Variants in MMUT observed in about 807,000 individuals in gnomAD.
The protein encoded by MMUT is methylmalonyl-CoA mutase.
Under a neutral mutation model 79.9 loss-of-function variants are expected in MMUT, and 79 were observed. The observed-to-expected ratio is 0.99, with a 90% CI of 0.82 to 1.19. MMUT has a LOEUF of 1.19. Among genes scored for constraint, MMUT ranks in the 50% most tolerant of loss-of-function variants. MMUT has a pLI of 0.00. For missense variants in MMUT, 860 were observed against 917.2 expected, an observed-to-expected ratio of 0.94 and a Z score of 0.81; for synonymous variants, 273 against 295.7, an observed-to-expected ratio of 0.92 and a Z score of 0.79.
In MMUT at chr6:49,457,702, A is replaced by G. The variant is rs1201678085; in HGVS notation, c.742T>C (p.Tyr248His). ...SMKIIADIFEYTAKHMPKFNS... is the reference protein window; with the variant it reads ...SMKIIADIFEHTAKHMPKFNS... ...ACCACAAAGTATACCTTTGCTGTAT[A>G]TTCAAATATGTCAGCAATAATTTTC... The change falls in exon 3 of 13, where the codon TAT becomes CAT. Residue 248 changes from tyrosine (Y) to histidine (H), a missense_variant. Coordinates refer to ENST00000274813, the MANE Select transcript of MMUT (RefSeq NM_000255.4). The G allele has an allele frequency of 6.2e-7, 1 of 1,610,504 alleles. No homozygotes were observed. Among genetic ancestry groups the G allele is most frequent in the Admixed American group, 1.7e-5 (1 of 59,824 alleles).
In MMUT at chr6:49,459,052, TA is replaced by T. The variant is rs483352787; in HGVS notation, c.385+29del. On this transcript the variant is annotated intron_variant, in intron 2 of 12. Coordinates refer to ENST00000274813, the MANE Select transcript of MMUT (RefSeq NM_000255.4). The stretch of plus-strand genomic sequence containing the variant: ...AAACTAGGAGGCATATGACTTATCA[TA>T]AATATTATGTCTTACATTAAAATCT... 1 of 1,607,182 alleles carries T rather than the reference TA, an allele frequency of 6.2e-7. No individual in the cohort carries two copies. Among genetic ancestry groups the T allele is most frequent in the Non-Finnish European group, 8.5e-7 (1 of 1,174,902 alleles).
chr6:49,450,391 A>G lies in MMUT; in HGVS notation c.1332+1075T>C, dbSNP rs138113635. On this transcript the variant is annotated intron_variant, in intron 6 of 12. Coordinates refer to ENST00000274813, the MANE Select transcript of MMUT (RefSeq NM_000255.4). Reference sequence around the variant, plus strand: ...AAGAAAATTTCCTAGAGCTATAAAAATATTTTTTAAAAAAAGGTGAGATGA... The same window carrying G: ...AAGAAAATTTCCTAGAGCTATAAAAGTATTTTTTAAAAAAAGGTGAGATGA... 8.1e-3 allele frequency among the ~76,000 whole-genome samples: 1,237 copies of G among 152,166 alleles called. 14 individuals are homozygous for G. Among genetic ancestry groups the G allele is most frequent in the African/African-American group, 0.028 (1,173 of 41,528 alleles).
chr6:49,441,918 T>A lies in MMUT; in HGVS notation c.1730A>T (p.Lys577Ile). Residue 577 changes from lysine to isoleucine, a missense_variant, in exon 10 of 13, where the codon AAA becomes ATA. By Grantham distance (102) the Lys-to-Ile change is moderately radical. Coordinates refer to ENST00000274813, the MANE Select transcript of MMUT (RefSeq NM_000255.4). ...TCCACTCACCATTCGATCATTCGCT[T>A]TATGTTCACCAAATACCTTTTTCAG... ...DALKKVFGEHKANDRMVSGAY... is the reference protein window; with the variant it reads ...DALKKVFGEHIANDRMVSGAY... 4 of 1,612,214 alleles carry A rather than the reference T, an allele frequency of 2.5e-6. No individual in the cohort carries two copies. Among genetic ancestry groups the A allele is most frequent in the Non-Finnish European group, 3.4e-6 (4 of 1,178,726 alleles).
chr6:49,447,745 TTCCAACTGGTACTTATTTAC>T lies in MMUT; in HGVS notation c.1465_1484del (p.Val489LysfsTer11). 6.2e-7 allele frequency: 1 copy of T among 1,612,110 alleles called. No homozygotes were observed. Among genetic ancestry groups the T allele is most frequent in the African/African-American group, 1.3e-5 (1 of 74,970 alleles). On this transcript the variant is annotated frameshift_variant, in exon 8 of 13. Transcript: ENST00000274813. LOFTEE classifies it high-confidence loss of function. ...CCAGAACTTCTACAGCGTCTTCTTT[TTCCAACTGGTACTTATTTAC>T]TCCAACAATTACTTCAGAACCTGGT...
chr6:49,461,954 T>C (rs1342777827), intron 1 of MMUT, among the ~76,000 whole-genome samples: 2 of 152,108 alleles, frequency 1.3e-5, no homozygotes, highest in African/African-American at 4.8e-5. Flanking sequence ...AAAAGGTAAT[T>C]TGAAAACCAC....
Position 49,431,868 on chromosome 6 carries a change from ATG to A in MMUT, c.2125-14_2125-13del, listed in dbSNP as rs768331144. Reference sequence around the variant, plus strand: ...AGAAATTCATAATCCTGTTGAAAGAATGTGTTTAATTAATAAGAGCCACTATT... The same window carrying A: ...AGAAATTCATAATCCTGTTGAAAGAATGTTTAATTAATAAGAGCCACTATT... On this transcript the variant is annotated splice_polypyrimidine_tract_variant and intron_variant, in intron 12 of 12. Transcript: ENST00000274813. 2.5e-6 allele frequency: 4 copies of A among 1,612,268 alleles called. No individual in the cohort carries two copies. The highest frequency in any genetic ancestry group is 1.7e-5 in the Admixed American group (1 of 60,018).
chr6:49,447,884 T>A, intron 7 of MMUT, 99 bp from the exon 8 acceptor site: 1 of 725,546 alleles, frequency 1.4e-6, no homozygotes, highest in Non-Finnish European at 2.4e-6. Context: ...TATCTTTAAG[T>A]AGTATTCTTA....
rs111842406 is a variant in MMUT at position 49,451,144 on chromosome 6, A to G, written c.1332+322T>C. ...AACAAAAATAAGCAAAGAAGTATGT[A>G]TCTTACTCCAGGAAGCAGGAAAAAA... On this transcript the variant is annotated intron_variant, in intron 6 of 12. Coordinates refer to ENST00000274813, the MANE Select transcript of MMUT (RefSeq NM_000255.4). 3.0e-3 allele frequency among the ~76,000 whole-genome samples: 454 copies of G among 152,312 alleles called. 1 individual carries two copies. The highest frequency in any genetic ancestry group is 7.1e-3 in the African/African-American group (297 of 41,590).
chr6:49,431,919 CT>C (rs1242557781), intron 12 of MMUT, 63 bp from the exon 13 acceptor site: 1 of 1,556,300 alleles, frequency 6.4e-7, no homozygotes, highest in Admixed American at 1.7e-5. Context: ...AAATAAAACC[CT>C]ATCCTTTCTT....
intron 7 of MMUT, 144 bp from the exon 8 acceptor site, chr6:49,447,929 C>A: frequency 1.6e-6 from 1 of 616,176 alleles, no homozygotes; most frequent in Non-Finnish European, 2.9e-6. Context: ...ATCAGCAAAT[C>A]CCAATCTGAG....
At chr6:49,455,676 CA>C (rs746567040) in intron 4 of MMUT, among the ~76,000 whole-genome samples, 1 of 151,902 alleles carries the variant, frequency 6.6e-6, no homozygotes, top group Non-Finnish European at 1.5e-5. Flanking sequence ...TGTTGTGAAA[CA>C]AATGTTTCAA....
chr6:49,440,146 T>C, intron 11 of MMUT, 60 bp downstream of exon 11: 1 of 1,592,450 alleles, frequency 6.3e-7, no homozygotes, highest in Non-Finnish European at 8.6e-7. Flanking sequence ...TTTTACTACA[T>C]TTTCTAAATG....
chr6:49,452,394 G>A (rs751321359), intron 5 of MMUT, among the ~76,000 whole-genome samples: 4 of 152,134 alleles, frequency 2.6e-5, no homozygotes, highest in East Asian at 1.9e-4. Context: ...GTGCAGTGGC[G>A]CAATCTCGGC....
Position 49,459,415 on chromosome 6 carries a change from G to A in MMUT, c.52C>T (p.Gln18Ter), listed in dbSNP as rs121918248. 20 of 1,613,374 alleles carry A rather than the reference G, an allele frequency of 1.2e-5. No individual in the cohort carries two copies. Among genetic ancestry groups the A allele is most frequent in the Non-Finnish European group, 1.7e-5 (20 of 1,179,902 alleles). Residue 18 changes from glutamine (Q) to a stop codon, truncating the protein, a stop_gained, in exon 2 of 13, where the codon CAG (glutamine) becomes TAG (stop). Coordinates refer to ENST00000274813, the MANE Select transcript of MMUT (RefSeq NM_000255.4). LOFTEE classifies it high-confidence loss of function. ...LFLLSPHYLR[Q>*]VKESSGSRLI... ...CTGGAGCCTGATGATTCTTTTACCT[G>A]CCTCAGGTAATGAGGTGAAAGTAAA...
Position 49,444,676 on chromosome 6 carries a change from T to C in MMUT, c.1639A>G (p.Asn547Asp), listed in dbSNP as rs780334099. 1 of 1,613,308 alleles carries C rather than the reference T, an allele frequency of 6.2e-7. No homozygotes were observed. Among genetic ancestry groups the C allele is most frequent in the African/African-American group, 1.3e-5 (1 of 74,850 alleles). The part of the protein sequence containing the change: ...LTECAASGDG[N>D]ILALAVDASR... ...GCATCCACTGCAAGAGCCAGGATAT[T>C]TCCATCTCCGCTAGCAGCACATTCG... The change falls in exon 9 of 13, where the codon AAT becomes GAT. Residue 547 changes from asparagine (N) to aspartate (D), a missense_variant. Asn to Asp is a conservative substitution (Grantham distance 23). Transcript: ENST00000274813.
At chr6:49,457,670 T>C (rs1403028079) in intron 3 of MMUT, 21 bp downstream of exon 3, 2 of 1,597,456 alleles carry the variant, frequency 1.3e-6, no homozygotes, top group Non-Finnish European at 1.7e-6. Context: ...TAGAAAAACC[T>C]ATAATAACCA....
chr6:49,455,873 T>G (rs1767672527), intron 4 of MMUT, among the ~76,000 whole-genome samples: 1 of 152,228 alleles, frequency 6.6e-6, no homozygotes, highest in African/African-American at 2.4e-5. Context: ...AGACAAGATA[T>G]TCCTCAAATT....
intron 11 of MMUT, among the ~76,000 whole-genome samples, chr6:49,435,946 C>A (rs1254344629): frequency 6.6e-6 from 1 of 152,006 alleles, no homozygotes; most frequent in Non-Finnish European, 1.5e-5. Flanking sequence ...TACAAAAAAA[C>A]ATTAAAAAGC....
chr6:49,441,056 A>T (rs551298276), intron 10 of MMUT, among the ~76,000 whole-genome samples: 4 of 152,210 alleles, frequency 2.6e-5, no homozygotes, highest in African/African-American at 9.6e-5. Flanking sequence ...CTTTGTTAAA[A>T]GAAAAAAGTT....
Sources: gnomAD v4.1 joint callset for allele counts (sites outside exome capture counted in the v4.1 genomes callset) on GRCh38, gnomAD v4.1.1 for gene constraint, MANE v1.5 for transcripts, NCBI Gene and HGNC (gene_info 2026-07-23, HGNC 2026-07-21) for gene names.